Variants in MARCHF11 observed in about 807,000 individuals in gnomAD.
MARCHF11 encodes membrane associated ring-CH-type finger 11.
Under a neutral mutation model 37.3 loss-of-function variants are expected in MARCHF11, and 29 were observed. The ratio of observed to expected loss-of-function variants is 0.78; its 90% CI spans 0.58 to 1.06. The LOEUF (loss-of-function observed/expected upper bound fraction) is 1.06, where lower values mean the gene tolerates loss of function less well. Among genes scored for constraint, MARCHF11 ranks in the 50% least tolerant of loss-of-function variants. The pLI is 0.00. For missense variants in MARCHF11, 482 were observed against 533.4 expected, an observed-to-expected ratio of 0.90 and a Z score of 0.95; for synonymous variants, 233 against 228.0, an observed-to-expected ratio of 1.02 and a Z score of -0.20.
chr5:16,131,950 C>T lies in MARCHF11; in HGVS notation c.694-40869G>A, dbSNP rs564005463. ...TCTGTGGTAAAGTAAAGTTCACTAA[C>T]GTAGAAAGAACGAAAAAGGAAAGCA... On this transcript the variant is annotated intron_variant, in intron 2 of 3. Transcript: ENST00000332432. Among the ~76,000 whole-genome samples the T allele has an allele frequency of 1.1e-4, 16 of 152,260 alleles. 1 individual carries two copies. The highest frequency in any genetic ancestry group is 8.3e-4 in the South Asian group (4 of 4,822).
At chr5:16,115,076 A>G (rs1404047848) in intron 2 of MARCHF11, among the ~76,000 whole-genome samples, 1 of 152,200 alleles carries the variant, frequency 6.6e-6, no homozygotes, top group Non-Finnish European at 1.5e-5. Flanking sequence ...AGTGAGGTTC[A>G]GGAATTAAAT....
chr5:16,071,349 T>C (rs1736435222), intron 3 of MARCHF11, among the ~76,000 whole-genome samples: 1 of 152,202 alleles, frequency 6.6e-6, no homozygotes. Context: ...CATGTGTATG[T>C]GTGGTTCGTT....
chr5:16,105,415 T>A (rs555735732), intron 2 of MARCHF11, among the ~76,000 whole-genome samples: 1 of 152,320 alleles, frequency 6.6e-6, no homozygotes, highest in South Asian at 2.1e-4. Flanking sequence ...TCGCAGTCCT[T>A]TAGTTTTCCC....
At chr5:16,150,063 G>A (rs1471755385) in intron 2 of MARCHF11, among the ~76,000 whole-genome samples, 2 of 149,318 alleles carry the variant, frequency 1.3e-5, no homozygotes, top group Non-Finnish European at 2.9e-5. Flanking sequence ...GTTGGGAACT[G>A]AAACTTCCTC....
Position 16,179,102 on chromosome 5 carries a change from G to A in MARCHF11, c.474C>T (p.Arg158=), listed in dbSNP as rs547260968. Residue 158 remains arginine (R), a synonymous_variant, in exon 1 of 4, where the codon CGC becomes CGT. Coordinates refer to ENST00000332432, the MANE Select transcript of MARCHF11 (RefSeq NM_001102562.3). ...RSSSSGGGDQ[R]AGHQHQHHQP... is the part of the protein sequence containing the mutation. Reference sequence around the variant, plus strand: ...GGTGGTGCTGGTGCTGGTGCCCAGCGCGCTGGTCGCCGCCGCCACTGCTGC... The same window carrying A: ...GGTGGTGCTGGTGCTGGTGCCCAGCACGCTGGTCGCCGCCGCCACTGCTGC... 2.8e-4 allele frequency: 414 copies of A among 1,494,384 alleles called. 11 individuals are homozygous for A. The South Asian group carries it at 4.8e-3, about 17-fold the overall frequency. 92.6% of individuals were successfully genotyped at this position (1,494,384 alleles called of 1,614,324 possible).
chr5:16,084,098 A>C (rs1207177646), intron 3 of MARCHF11, among the ~76,000 whole-genome samples: 2 of 152,232 alleles, frequency 1.3e-5, no homozygotes, highest in East Asian at 3.9e-4. Context: ...TCTGGAAAAA[A>C]AAAGTAGCAA....
chr5:16,117,565 C>T (rs1488044184), intron 2 of MARCHF11, among the ~76,000 whole-genome samples: 1 of 152,172 alleles, frequency 6.6e-6, no homozygotes, highest in Non-Finnish European at 1.5e-5. Flanking sequence ...AGGCAACAGG[C>T]CCAACAGAAG....
chr5:16,091,148 T>G (rs1736786191), intron 2 of MARCHF11, 67 bp from the exon 3 acceptor site: 2 of 1,248,968 alleles, frequency 1.6e-6, no homozygotes, highest in Non-Finnish European at 2.1e-6. Context: ...AAAAACATTT[T>G]CAGTCCTGTG....
At chr5:16,072,397 G>C (rs993248939) in intron 3 of MARCHF11, among the ~76,000 whole-genome samples, 7 of 152,176 alleles carry the variant, frequency 4.6e-5, no homozygotes, top group African/African-American at 1.7e-4. Flanking sequence ...TGGAAGTGAG[G>C]CCTTTGGGAG....
At chr5:16,132,652 G>C (rs1355239759) in intron 2 of MARCHF11, among the ~76,000 whole-genome samples, 1 of 152,110 alleles carries the variant, frequency 6.6e-6, no homozygotes, top group African/African-American at 2.4e-5. Context: ...GTGTTGGCCT[G>C]GACACCAAGA....
At chr5:16,099,694 G>T (rs1236728563) in intron 2 of MARCHF11, among the ~76,000 whole-genome samples, 2 of 152,110 alleles carry the variant, frequency 1.3e-5, no homozygotes, top group African/African-American at 2.4e-5. Context: ...GAAAATTGTT[G>T]GTTGCTATTT....
intron 3 of MARCHF11, among the ~76,000 whole-genome samples, chr5:16,078,526 C>T (rs926915785): frequency 6.6e-6 from 1 of 152,102 alleles, no homozygotes; most frequent in Non-Finnish European, 1.5e-5. Context: ...CTGGTGCCCA[C>T]GGTTCCACAT....
At chr5:16,164,875 T>C (rs892834421) in intron 2 of MARCHF11, among the ~76,000 whole-genome samples, 3 of 152,050 alleles carry the variant, frequency 2.0e-5, no homozygotes, top group African/African-American at 7.2e-5. Flanking sequence ...TCCATGCTTC[T>C]ACCCCTGCCT....
chr5:16,100,694 C>T (rs1386245029), intron 2 of MARCHF11, among the ~76,000 whole-genome samples: 1 of 152,154 alleles, frequency 6.6e-6, no homozygotes, highest in African/African-American at 2.4e-5. Flanking sequence ...GGAGTTGAAT[C>T]CTGTTTCCAG....
chr5:16,091,273 A>T (rs1177282313), intron 2 of MARCHF11, among the ~76,000 whole-genome samples, 192 bp from the exon 3 acceptor site: 1 of 152,220 alleles, frequency 6.6e-6, no homozygotes, highest in African/African-American at 2.4e-5. Flanking sequence ...ACTTGCCTTA[A>T]CTTCATTATT....
chr5:16,145,445 T>C (rs1335703357), intron 2 of MARCHF11, among the ~76,000 whole-genome samples: 2 of 152,162 alleles, frequency 1.3e-5, no homozygotes, highest in Non-Finnish European at 2.9e-5. Context: ...TCAGAGAAAC[T>C]GGGCTCTAAC....
chr5:16,093,217 G>A (rs796092850), intron 2 of MARCHF11, among the ~76,000 whole-genome samples: 2 of 152,220 alleles, frequency 1.3e-5, no homozygotes, highest in South Asian at 4.1e-4. Context: ...GGAGTCCTAG[G>A]TAACCAAAGG....
chr5:16,071,529 G>A (rs1044510283), intron 3 of MARCHF11, among the ~76,000 whole-genome samples: 2 of 152,140 alleles, frequency 1.3e-5, no homozygotes, highest in African/African-American at 2.4e-5. Flanking sequence ...TCAAAATTTT[G>A]AAGTAGTGTG....
chr5:16,141,473 G>A (rs932797605), intron 2 of MARCHF11: 2 of 152,194 alleles, frequency 1.3e-5, no homozygotes, highest in Non-Finnish European at 2.9e-5. Flanking sequence ...GAAGCGCACA[G>A]TGTCCACAAG....
Sources: gnomAD v4.1 joint callset for allele counts (sites outside exome capture counted in the v4.1 genomes callset) on GRCh38, gnomAD v4.1.1 for gene constraint, MANE v1.5 for transcripts, NCBI Gene and HGNC (gene_info 2026-07-23, HGNC 2026-07-21) for gene names.